The following VCAN variants were observed in gnomAD, a reference collection of about 807,000 sequenced individuals.
VCAN encodes versican, also known as versican core protein.
A neutral mutation model predicts 245.5 loss-of-function variants in VCAN; 44 were observed. The observed-to-expected ratio is 0.18, with a 90% confidence interval of 0.14 to 0.23. The LOEUF is 0.23. VCAN is among the 10% of genes least tolerant of loss of function. The probability of loss-of-function intolerance (pLI) is 1.00; values close to 1 mark genes in which losing one functional copy is unlikely to be tolerated. For synonymous variants in VCAN, 1,413 were observed against 1,437.0 expected, an observed-to-expected ratio of 0.98 and a Z score of 0.38; for missense variants, 3,793 against 4,057.9, an observed-to-expected ratio of 0.93 and a Z score of 1.77.
rs762299976 is a variant in VCAN at position 83,521,679 on chromosome 5, C to T, written c.3373C>T (p.Arg1125Cys). Reference protein sequence around the residue: ...KTDEVVTLTPRIGPKVSLSPG... With the variant: ...KTDEVVTLTPCIGPKVSLSPG... Reference sequence around the variant, plus strand: ...AGATGAAGTGGTAACACTAACACCACGCATTGGGCCAAAAGTATCTTTAAG... The same window carrying T: ...AGATGAAGTGGTAACACTAACACCATGCATTGGGCCAAAAGTATCTTTAAG... The change falls in exon 7 of 15, where the codon CGC (arginine) becomes TGC (cysteine). Residue 1125 changes from arginine to cysteine, a missense_variant. Physicochemically the swap from Arg to Cys is radical, Grantham distance 180 (BLOSUM62 -3). Around this residue, in one of 5 missense-constraint regions of VCAN, gnomAD observed 3,182 missense variants for 3,250.3 expected, o/e 0.98. Coordinates refer to ENST00000265077, the MANE Select transcript of VCAN (RefSeq NM_004385.5). The T allele has an allele frequency of 5.3e-5, 86 of 1,613,744 alleles. No individual in the cohort carries two copies. The highest frequency in any genetic ancestry group is 2.9e-4 in the East Asian group (13 of 44,886).
At chr5:83,492,253 G>T (rs1314067263) in intron 3 of VCAN, among the ~76,000 whole-genome samples, 2 of 152,146 alleles carry the variant, frequency 1.3e-5, no homozygotes, top group Non-Finnish European at 2.9e-5. Flanking sequence ...ATGGGAGACA[G>T]TCTTATAACT....
chr5:83,541,457 G>T lies in VCAN; in HGVS notation c.8454G>T (p.Ala2818=), dbSNP rs773474075. The T allele has an allele frequency of 6.2e-7, 1 of 1,613,982 alleles. No individual in the cohort carries two copies. Among genetic ancestry groups the T allele is most frequent in the East Asian group, 2.2e-5 (1 of 44,854 alleles). ...CAACATTAGCAGTTTCAACATTTGC[G>T]AAGTTGTCTTCTCAGACACCATCAT... is the stretch of plus-strand genomic sequence containing the variant. ...TDTTLAVSTF[A]KLSSQTPSSP... is the part of the protein sequence containing the mutation. The change falls in exon 8 of 15, where the codon GCG becomes GCT. Residue 2818 remains alanine (A), a synonymous_variant. Coordinates refer to ENST00000265077, the MANE Select transcript of VCAN (RefSeq NM_004385.5).
intron 12 of VCAN, among the ~76,000 whole-genome samples, chr5:83,570,673 A>G (rs1304307775): frequency 1.3e-5 from 2 of 152,152 alleles, no homozygotes; most frequent in Non-Finnish European, 2.9e-5. Flanking sequence ...TATAAAACAC[A>G]GAAGAAACAT....
At position 83,580,690 on chromosome 5, in the gene VCAN, G is replaced by A; in HGVS notation, c.*256G>A. 1 of 476,784 alleles carries A rather than the reference G, an allele frequency of 2.1e-6. No individual in the cohort carries two copies. Among genetic ancestry groups the A allele is most frequent in the Non-Finnish European group, 3.8e-6 (1 of 265,592 alleles). 29.5% of individuals were successfully genotyped at this position (476,784 alleles called of 1,614,324 possible). ...ATCTAATTTCTTTAGTTTTCTATTT[G>A]CCTCCAGTGCAGTCCATTTCCTAAT... On this transcript the variant is annotated 3_prime_UTR_variant, in exon 15 of 15. Transcript: ENST00000265077.
chr5:83,516,031 G>A (rs1745840693), intron 6 of VCAN, among the ~76,000 whole-genome samples: 1 of 152,214 alleles, frequency 6.6e-6, no homozygotes, highest in South Asian at 2.1e-4. Context: ...AGGAGATCGA[G>A]ACCATCCTGG....
intron 13 of VCAN, among the ~76,000 whole-genome samples, chr5:83,573,320 C>T (rs1354463363): frequency 6.6e-6 from 1 of 151,870 alleles, no homozygotes; most frequent in Admixed American, 6.6e-5. Context: ...GACCTGGTAC[C>T]ATGTGGCCCA....
chr5:83,529,628 G>A (rs1746443497), intron 7 of VCAN, among the ~76,000 whole-genome samples: 1 of 152,004 alleles, frequency 6.6e-6, no homozygotes, highest in Non-Finnish European at 1.5e-5. Context: ...TATATTTACA[G>A]TCTGTTTGGT....
chr5:83,483,622 G>A (rs371662546), intron 2 of VCAN, 34 bp downstream of exon 2: 10 of 1,591,280 alleles, frequency 6.3e-6, no homozygotes, highest in Middle Eastern at 1.7e-4. Flanking sequence ...GGTGTTAATT[G>A]AAATAAAAAT....
intron 12 of VCAN, chr5:83,562,114 A>G (rs1253084108): frequency 6.6e-6 from 1 of 152,174 alleles, no homozygotes; most frequent in Admixed American, 6.6e-5. Flanking sequence ...TAAGTCAAAT[A>G]CCATTTCTCT....
At chr5:83,566,322 G>C (rs1391485788) in intron 12 of VCAN, among the ~76,000 whole-genome samples, 3 of 152,122 alleles carry the variant, frequency 2.0e-5, no homozygotes, top group Admixed American at 2.0e-4. Flanking sequence ...ATAAGGAAAA[G>C]GGCTATTAGT....
intron 7 of VCAN, among the ~76,000 whole-genome samples, chr5:83,524,984 T>C (rs1463578135): frequency 6.6e-6 from 1 of 151,864 alleles, no homozygotes; most frequent in African/African-American, 2.4e-5. Context: ...ATACCACCCA[T>C]GCTATTCTAA....
intron 10 of VCAN, among the ~76,000 whole-genome samples, chr5:83,549,578 A>C (rs907168791): frequency 6.6e-6 from 1 of 152,204 alleles, no homozygotes; most frequent in Non-Finnish European, 1.5e-5. Context: ...CTTTATTTAT[A>C]TGTTTATCTG....
At chr5:83,525,256 CA>C (rs1746250581) in intron 7 of VCAN, among the ~76,000 whole-genome samples, 2 of 151,900 alleles carry the variant, frequency 1.3e-5, no homozygotes, top group Non-Finnish European at 2.9e-5. Flanking sequence ...AACAGTGGTT[CA>C]GGGGATACTG....
intron 12 of VCAN, among the ~76,000 whole-genome samples, chr5:83,557,411 C>T (rs944231583): frequency 2.6e-5 from 4 of 152,064 alleles, no homozygotes; most frequent in Admixed American, 6.6e-5. Flanking sequence ...ATCCTTTATT[C>T]CTGTGTGCTT....
At chr5:83,524,465 C>T (rs183443187) in intron 7 of VCAN, among the ~76,000 whole-genome samples, 1 of 152,062 alleles carries the variant, frequency 6.6e-6, no homozygotes, top group East Asian at 1.9e-4. Context: ...TATGTGTGTA[C>T]AACAAGGGGA....
intron 5 of VCAN, among the ~76,000 whole-genome samples, chr5:83,505,402 T>TA (rs1421361650): frequency 1.3e-5 from 2 of 152,144 alleles, no homozygotes; most frequent in African/African-American, 2.4e-5. Context: ...ACAAAGGGGT[T>TA]ACAGGGCCCA....
rs749552627 is a variant in VCAN, at chr5:83,490,361, G to A, written c.334G>A (p.Asp112Asn). 2 of 1,614,192 alleles carry A rather than the reference G, an allele frequency of 1.2e-6. No homozygotes were observed. Among genetic ancestry groups the A allele is most frequent in the Non-Finnish European group, 1.7e-6 (2 of 1,180,032 alleles). The stretch of plus-strand genomic sequence containing the variant: ...GCCCACACATCCCGAGGCTGTGGGC[G>A]ATGCCTCCCTCACTGTGGTCAAGCT... The part of the protein sequence containing the change: ...SVPTHPEAVG[D>N]ASLTVVKLLA... Residue 112 changes from aspartate (D) to asparagine (N), a missense_variant, in exon 3 of 15, where the codon GAT becomes AAT. By Grantham distance (23) the Asp-to-Asn change is conservative. Transcript: ENST00000265077.
At chr5:83,498,118 T>C (rs1356746033) in intron 5 of VCAN, among the ~76,000 whole-genome samples, 1 of 152,182 alleles carries the variant, frequency 6.6e-6, no homozygotes, top group Non-Finnish European at 1.5e-5. Context: ...ACTACCCTAC[T>C]ATTCCAATTC....
At position 83,505,408 on chromosome 5, in the gene VCAN, G is replaced by GCCCATGCAAGTCAC. The variant is rs1580613804; in HGVS notation, c.749-6683_749-6682insACCCCATGCAAGTC. Among the ~76,000 whole-genome samples, 5 of 152,216 alleles carry GCCCATGCAAGTCAC rather than the reference G, an allele frequency of 3.3e-5. No individual in the cohort carries two copies. The East Asian group carries it at 9.7e-4, about 29-fold the overall frequency. ...TGGCCAAAAACAAAGGGGTTACAGG[G>GCCCATGCAAGTCAC]CCCATGCAAGTCCAAAATCCAGTGG... is the stretch of plus-strand genomic sequence containing the variant. On this transcript the variant is annotated intron_variant, in intron 5 of 14. Coordinates refer to ENST00000265077, the MANE Select transcript of VCAN (RefSeq NM_004385.5).
Sources: gnomAD v4.1 joint callset for allele counts (sites outside exome capture counted in the v4.1 genomes callset) on GRCh38, gnomAD v4.1.1 for gene constraint, gnomAD v4.1.1 regional missense constraint, MANE v1.5 for transcripts, NCBI Gene and HGNC (gene_info 2026-07-23, HGNC 2026-07-21) for gene names.